SANBR: variants seen among roughly 807,000 people sequenced by gnomAD.
The protein encoded by SANBR is SANT and BTB domain regulator of CSR, also known as SANT and BTB domain regulator of class switch recombination.
A neutral mutation model predicts 101.8 loss-of-function variants in SANBR; 77 were observed. The observed-to-expected ratio is 0.76, with a 90% CI of 0.63 to 0.91. The LOEUF is 0.91. Ranked by LOEUF, SANBR falls within the 40% of genes least tolerant of loss-of-function variation. SANBR has a pLI of 0.00. For missense variants in SANBR, 875 were observed against 853.0 expected, an observed-to-expected ratio of 1.03 and a Z score of -0.32; for synonymous variants, 279 against 274.7, an observed-to-expected ratio of 1.02 and a Z score of -0.15.
intron 6 of SANBR, among the ~76,000 whole-genome samples, chr2:61,080,011 A>C (rs917688338): frequency 3.3e-5 from 5 of 151,860 alleles, no homozygotes; most frequent in African/African-American, 1.2e-4. Flanking sequence ...AGCCTGGCCA[A>C]CATGTTGAAA....
In SANBR at chr2:61,123,123, T is replaced by A; in HGVS notation, c.*961T>A. 1.0e-6 allele frequency: 1 copy of A among 977,134 alleles called. No individual in the cohort carries two copies. The highest frequency in any genetic ancestry group is 1.2e-6 in the Non-Finnish European group (1 of 822,230). The allele number at this position is 977,134 out of a possible 1,614,324, so 60.5% of individuals were successfully genotyped here. ...ATTTTATAAATCATGTTTAAATTTT[T>A]CTAGCCAGGCAGAAAGAGTGCTCAG... On this transcript the variant is annotated 3_prime_UTR_variant, in exon 22 of 22. Transcript: ENST00000402291.
chr2:61,070,161 A>C (rs77677415), intron 2 of SANBR, among the ~76,000 whole-genome samples, 181 bp from the exon 3 acceptor site: 3,574 of 152,336 alleles, frequency 0.023, 48 homozygotes, highest in African/African-American at 0.036. Context: ...ATCAATGCAT[A>C]ATATTCAAAT....
chr2:61,114,050 G>A (rs372769288), intron 16 of SANBR, among the ~76,000 whole-genome samples: 2 of 152,042 alleles, frequency 1.3e-5, no homozygotes, highest in Non-Finnish European at 2.9e-5. Context: ...GATTTTTCAC[G>A]TTATACCAGT....
intron 11 of SANBR, among the ~76,000 whole-genome samples, chr2:61,095,740 G>C (rs1049769400): frequency 6.6e-6 from 1 of 152,108 alleles, no homozygotes; most frequent in Non-Finnish European, 1.5e-5. Context: ...CACTCCTGGT[G>C]CAGTACTATA....
At chr2:61,115,181 A>G (rs1022688981) in intron 16 of SANBR, among the ~76,000 whole-genome samples, 1 of 152,244 alleles carries the variant, frequency 6.6e-6, no homozygotes, top group South Asian at 2.1e-4. Flanking sequence ...AGCTTTTGTT[A>G]TAGGAAGGCT....
At chr2:61,121,093 A>G in intron 20 of SANBR, 92 bp from the exon 21 acceptor site, 2 of 915,060 alleles carry the variant, frequency 2.2e-6, no homozygotes, top group Non-Finnish European at 3.3e-6. Flanking sequence ...TCAAAATAAA[A>G]TTACTTCTAA....
At chr2:61,095,037 C>G (rs1246698221) in intron 11 of SANBR, among the ~76,000 whole-genome samples, 1 of 152,176 alleles carries the variant, frequency 6.6e-6, no homozygotes, top group East Asian at 1.9e-4. Flanking sequence ...GTCCCGGAAC[C>G]ATTTTGCATT....
intron 8 of SANBR, among the ~76,000 whole-genome samples, chr2:61,086,400 T>C (rs542424991): frequency 3.0e-4 from 45 of 152,126 alleles, no homozygotes; most frequent in African/African-American, 1.1e-3. Context: ...AAATTGTTGG[T>C]GCTATTGTAA....
In SANBR at chr2:61,071,771, C is replaced by G. The variant is rs1681486685; in HGVS notation, c.316C>G (p.His106Asp). The G allele has an allele frequency of 6.3e-7, 1 of 1,598,502 alleles. No individual in the cohort carries two copies. The highest frequency in any genetic ancestry group is 1.8e-5 in the Admixed American group (1 of 55,500). ...HGEFQETPVG[H>D]DAVSKTGRHS... Reference sequence around the variant, plus strand: ...AGAATTTCAGGAGACTCCAGTTGGACATGATGCAGTTTCCAAAACTGGTAA... The same window carrying G: ...AGAATTTCAGGAGACTCCAGTTGGAGATGATGCAGTTTCCAAAACTGGTAA... Residue 106 changes from histidine (H) to aspartate (D), a missense_variant, in exon 4 of 22, where the codon CAT becomes GAT. Transcript: ENST00000402291.
chr2:61,090,718 T>TTGTGTGTGTG (rs58195165), intron 10 of SANBR: 34,065 of 143,020 alleles, frequency 0.24, 4,189 homozygotes, highest in Middle Eastern at 0.26. Context: ...GGCACAGGGT[T>TTGTGTGTGTG]TGTGTGTGTG....
chr2:61,097,685 C>T lies in SANBR; in HGVS notation c.1213-15C>T. ...TTGTGGAAATAGTAGTTGATTTTAT[C>T]TATGTCTTTATCAGGCCTTTCTCTG... On this transcript the variant is annotated splice_polypyrimidine_tract_variant and intron_variant, in intron 11 of 21. Transcript: ENST00000402291. 1 of 1,552,056 alleles carries T rather than the reference C, an allele frequency of 6.4e-7. No individual in the cohort carries two copies. The highest frequency in any genetic ancestry group is 8.8e-7 in the Non-Finnish European group (1 of 1,137,078).
intron 13 of SANBR, among the ~76,000 whole-genome samples, chr2:61,104,248 C>T (rs1260577682): frequency 6.6e-6 from 1 of 152,000 alleles, no homozygotes; most frequent in African/African-American, 2.4e-5. Context: ...TTTCGGAGGC[C>T]AAGGCGGGCG....
chr2:61,071,320 G>A (rs1034618755), intron 3 of SANBR, among the ~76,000 whole-genome samples: 1 of 152,082 alleles, frequency 6.6e-6, no homozygotes, highest in Non-Finnish European at 1.5e-5. Flanking sequence ...GGAAGCCGAG[G>A]CAGGCAGATC....
intron 10 of SANBR, among the ~76,000 whole-genome samples, chr2:61,091,496 A>C (rs1401844550): frequency 6.6e-6 from 1 of 151,916 alleles, no homozygotes; most frequent in East Asian, 1.9e-4. Context: ...CGGGAGGCTG[A>C]GGCAGGAGAA....
At chr2:61,099,228 C>T (rs1353944301) in intron 12 of SANBR, among the ~76,000 whole-genome samples, 1 of 152,156 alleles carries the variant, frequency 6.6e-6, no homozygotes, top group Admixed American at 6.6e-5. Flanking sequence ...CTTTTATCTC[C>T]ATTTGGAAAA....
At chr2:61,121,455 T>TG (rs1243031975) in intron 21 of SANBR, 179 bp downstream of exon 21, 21 of 474,748 alleles carry the variant, frequency 4.4e-5, no homozygotes, top group Non-Finnish European at 8.2e-5. Flanking sequence ...TAAAATCTAA[T>TG]GAAAATATAG....
At chr2:61,094,553 C>T (rs1368609369) in intron 11 of SANBR, among the ~76,000 whole-genome samples, 2 of 151,574 alleles carry the variant, frequency 1.3e-5, no homozygotes, top group Admixed American at 6.6e-5. Flanking sequence ...TAGTGTGGAG[C>T]CATTATGAAG....
intron 6 of SANBR, among the ~76,000 whole-genome samples, chr2:61,078,480 GGT>G (rs1559081717): frequency 1.3e-5 from 2 of 151,826 alleles, no homozygotes; most frequent in African/African-American, 4.8e-5. Context: ...GGAGTGCAAC[GGT>G]GCAATCTCAG....
At chr2:61,087,049 T>G (rs1052244413) in intron 8 of SANBR, among the ~76,000 whole-genome samples, 2 of 152,186 alleles carry the variant, frequency 1.3e-5, no homozygotes, top group East Asian at 3.8e-4. Flanking sequence ...AATTAACGTT[T>G]ATTGAATGCT....
Sources: gnomAD v4.1 joint callset for allele counts (sites outside exome capture counted in the v4.1 genomes callset) on GRCh38, gnomAD v4.1.1 for gene constraint, MANE v1.5 for transcripts, NCBI Gene and HGNC (gene_info 2026-07-23, HGNC 2026-07-21) for gene names.